COL22A1: variants seen among roughly 807,000 people sequenced by gnomAD.
The protein encoded by COL22A1 is collagen alpha-1(XXII) chain.
Under a neutral mutation model 248.9 loss-of-function variants are expected in COL22A1, and 221 were observed. The observed-to-expected ratio is 0.89, with a 90% confidence interval of 0.80 to 0.99. The LOEUF is 0.99. Among genes scored for constraint, COL22A1 ranks in the 50% least tolerant of loss-of-function variants. The pLI, the probability that COL22A1 is intolerant of heterozygous loss-of-function variation, is 0.00. For missense variants in COL22A1, 2,240 were observed against 2,179.0 expected (o/e 1.03, Z -0.56); for synonymous variants, 891 against 793.4 (o/e 1.12, Z -2.07).
intron 12 of COL22A1, 54 bp downstream of exon 12, chr8:138,796,765 C>T (rs1298482750): frequency 1.6e-6 from 2 of 1,238,454 alleles, no homozygotes; most frequent in Non-Finnish European, 2.4e-6. Flanking sequence ...TCCCCCAAAC[C>T]TAAGTCCTCT....
At chr8:138,702,945 A>G (rs1301492576) in intron 31 of COL22A1, among the ~76,000 whole-genome samples, 5 of 152,196 alleles carry the variant, frequency 3.3e-5, no homozygotes, top group Admixed American at 3.3e-4. Flanking sequence ...CCTAACACGT[A>G]TAGAGGGCCA....
chr8:138,865,715 GTGTA>G (rs370864575), intron 3 of COL22A1, among the ~76,000 whole-genome samples: 9 of 147,374 alleles, frequency 6.1e-5, no homozygotes, highest in Admixed American at 1.4e-4. Flanking sequence ...CTGTGTATGA[GTGTA>G]TGTGTGTGTG....
intron 12 of COL22A1, among the ~76,000 whole-genome samples, chr8:138,795,778 T>C (rs1816461410): frequency 1.3e-5 from 2 of 152,216 alleles, no homozygotes; most frequent in South Asian, 4.1e-4. Flanking sequence ...TACTTGTGCA[T>C]ATCCTTGATT....
chr8:138,757,834 T>TCTTTTTGTAAA lies in COL22A1; in HGVS notation c.1903-2006_1903-2005insTTTACAAAAAG, dbSNP rs1196649616. 2.6e-5 allele frequency among the ~76,000 whole-genome samples: 4 copies of TCTTTTTGTAAA among 152,216 alleles called. No homozygotes were observed. In the East Asian group the frequency reaches 7.7e-4, roughly 29 times the overall value. On this transcript the variant is annotated intron_variant, in intron 18 of 64. Coordinates refer to ENST00000303045, the MANE Select transcript of COL22A1 (RefSeq NM_152888.3). ...AATCAATTTCTTCCCACAATATGGG[T>TCTTTTTGTAAA]GACACATTTTTGTAAAGATCAGTTG...
At chr8:138,671,236 T>A (rs996551513) in intron 41 of COL22A1, among the ~76,000 whole-genome samples, 12 of 152,158 alleles carry the variant, frequency 7.9e-5, no homozygotes, top group African/African-American at 2.9e-4. Context: ...GAGATACTAG[T>A]CTGTTGTATC....
intron 3 of COL22A1, among the ~76,000 whole-genome samples, chr8:138,854,781 G>A (rs1821889722): frequency 6.6e-6 from 1 of 152,106 alleles, no homozygotes; most frequent in African/African-American, 2.4e-5. Flanking sequence ...GATAGAGGTG[G>A]TGGTGATTGT....
intron 35 of COL22A1, among the ~76,000 whole-genome samples, chr8:138,692,929 T>C (rs1259500556): frequency 3.3e-5 from 5 of 152,096 alleles, no homozygotes; most frequent in Non-Finnish European, 7.4e-5. Context: ...ATCAGCACCC[T>C]CTACCTGGTA....
chr8:138,821,250 G>T lies in COL22A1; in HGVS notation c.1131C>A (p.Ser377=). 1 of 1,614,226 alleles carries T rather than the reference G, an allele frequency of 6.2e-7. No homozygotes were observed. Among genetic ancestry groups the T allele is most frequent in the Non-Finnish European group, 8.5e-7 (1 of 1,180,048 alleles). ...GCACCAGCGCACAGTCAATGTGCAG[G>T]GAGACGTTCTGGGCCTGGATGCTCA... is the stretch of plus-strand genomic sequence containing the variant. ...MALSIQAQNV[S]LHIDCALVQT... Residue 377 remains serine, a synonymous_variant, in exon 7 of 65, where the codon TCC becomes TCA. Coordinates refer to ENST00000303045, the MANE Select transcript of COL22A1 (RefSeq NM_152888.3).
rs756795057 is a variant in COL22A1, at chr8:138,677,650, C to T, written c.3073-1015G>A. On this transcript the variant is annotated intron_variant, in intron 40 of 64. Coordinates refer to ENST00000303045, the MANE Select transcript of COL22A1 (RefSeq NM_152888.3). ...GTGTTGAAAATTTACATATTTTTGTCGCCTAAGGATTAATGTGCTTGATTA... is the reference window on the plus strand; with the variant it reads ...GTGTTGAAAATTTACATATTTTTGTTGCCTAAGGATTAATGTGCTTGATTA... Among the ~76,000 whole-genome samples, 202 of 152,210 alleles carry T rather than the reference C, an allele frequency of 1.3e-3. 6 individuals are homozygous for T. The highest frequency in any genetic ancestry group is 3.2e-3 in the Middle Eastern group (1 of 316).
intron 10 of COL22A1, 85 bp from the exon 11 acceptor site, chr8:138,803,019 G>T (rs1817134889): frequency 9.5e-7 from 1 of 1,047,202 alleles, no homozygotes; most frequent in South Asian, 1.3e-5. Flanking sequence ...GGCCAACCTT[G>T]CTCCAATTCC....
intron 3 of COL22A1, among the ~76,000 whole-genome samples, chr8:138,852,420 G>A (rs1241220178): frequency 3.3e-5 from 5 of 152,188 alleles, no homozygotes; most frequent in Admixed American, 1.3e-4. Context: ...TGAATGCTCT[G>A]CCCTGTGCAG....
intron 1 of COL22A1, among the ~76,000 whole-genome samples, chr8:138,912,175 G>C (rs1219115015): frequency 2.6e-5 from 4 of 152,158 alleles, no homozygotes; most frequent in South Asian, 2.1e-4. Flanking sequence ...GCTTGACCCA[G>C]GGCAGCCAAA....
At chr8:138,737,339 C>T (rs530768402) in intron 23 of COL22A1, among the ~76,000 whole-genome samples, 185 bp downstream of exon 23, 12 of 152,310 alleles carry the variant, frequency 7.9e-5, no homozygotes, top group Non-Finnish European at 1.8e-4. Context: ...AATGGCCATT[C>T]AGCTCCCACA....
In COL22A1 at chr8:138,807,581, T is replaced by A. The variant is rs1365295399; in HGVS notation, c.1494+187A>T. ...TTTGCAGACTGAGAACTGGAGGTTC[T>A]GGGCAGTTAAGAGGCTCCCAGGATT... is the stretch of plus-strand genomic sequence containing the variant. On this transcript the variant is annotated intron_variant, in intron 10 of 64. Coordinates refer to ENST00000303045, the MANE Select transcript of COL22A1 (RefSeq NM_152888.3). Among the ~76,000 whole-genome samples, 7 of 152,312 alleles carry A rather than the reference T, an allele frequency of 4.6e-5. No homozygotes were observed. In the East Asian group the frequency reaches 1.2e-3, roughly 25 times the overall value.
intron 37 of COL22A1, 49 bp downstream of exon 37, chr8:138,688,868 A>G (rs747435343): frequency 2.6e-6 from 4 of 1,522,508 alleles, no homozygotes; most frequent in Middle Eastern, 1.7e-4. Flanking sequence ...AGTGCCTGTA[A>G]GAAGTTAAGG....
At chr8:138,606,543 G>T (rs991195848) in intron 57 of COL22A1, 91 bp from the exon 58 acceptor site, 9 of 1,238,122 alleles carry the variant, frequency 7.3e-6, no homozygotes, top group African/African-American at 5.9e-5. Flanking sequence ...AAATCAAAAG[G>T]CCTGAGACAT....
At chr8:138,766,222 T>G (rs1833898431) in intron 16 of COL22A1, among the ~76,000 whole-genome samples, 1 of 151,908 alleles carries the variant, frequency 6.6e-6, no homozygotes, top group Admixed American at 6.6e-5. Flanking sequence ...ATGAGTGGAG[T>G]CTGGAGCCAA....
chr8:138,638,873 C>T (rs188682690), intron 47 of COL22A1, among the ~76,000 whole-genome samples: 45 of 152,250 alleles, frequency 3.0e-4, no homozygotes, highest in Non-Finnish European at 5.3e-4. Context: ...TTTCAACACT[C>T]ATGTTGCAAC....
At chr8:138,664,412 C>T (rs557531229) in intron 41 of COL22A1, among the ~76,000 whole-genome samples, 77 of 152,134 alleles carry the variant, frequency 5.1e-4, no homozygotes, top group South Asian at 1.7e-3. Context: ...CGAGTGGGAC[C>T]GTCCCTTGCC....
Sources: allele counts gnomAD v4.1 joint callset (sites outside exome capture counted in the v4.1 genomes callset), GRCh38; gene constraint gnomAD v4.1.1; transcripts MANE v1.5; gene names NCBI Gene and HGNC (gene_info 2026-07-23, HGNC 2026-07-21).